FRZB: variants seen among roughly 807,000 people sequenced by gnomAD.
FRZB encodes the protein secreted frizzled-related protein 3.
A neutral mutation model predicts 32.5 loss-of-function variants in FRZB; 34 were observed. That is an observed-to-expected ratio of 1.05 (90% CI 0.80 to 1.39). The LOEUF is 1.39. FRZB is among the 40% of genes most tolerant of loss of function. The pLI, the probability that FRZB is intolerant of heterozygous loss-of-function variation, is 0.00. For synonymous variants in FRZB, 170 were observed against 159.2 expected, an observed-to-expected ratio of 1.07 and a Z score of -0.51; for missense variants, 423 against 424.8, an observed-to-expected ratio of 1.00 and a Z score of 0.04.
rs745749576 is a variant in FRZB, at chr2:182,842,541, G to A, written c.529C>T (p.Arg177Cys). ...NGNCRGASSE[R>C]CKCKPIRATQ... ...GCTCTAATAGGCTTACATTTACAGC[G>A]TTCTGAAAAACACATTTTAGTTATA... Residue 177 changes from arginine (R) to cysteine (C), a missense_variant and splice_region_variant, in exon 3 of 6, where the codon CGC becomes TGC. Physicochemically the swap from Arg to Cys is radical, Grantham distance 180 (BLOSUM62 -3). Coordinates refer to ENST00000295113, the MANE Select transcript of FRZB (RefSeq NM_001463.4). The A allele has an allele frequency of 1.9e-5, 30 of 1,609,242 alleles. No individual in the cohort carries two copies. In the Middle Eastern group the frequency reaches 5.0e-4, roughly 27 times the overall value.
chr2:182,858,975 G>A, intron 1 of FRZB, 142 bp from the exon 2 acceptor site: 1 of 670,990 alleles, frequency 1.5e-6, no homozygotes. Flanking sequence ...ACGTCATGAG[G>A]TCGGCATTCT....
intron 3 of FRZB, among the ~76,000 whole-genome samples, chr2:182,840,165 G>A (rs1388752814): frequency 6.6e-6 from 1 of 152,052 alleles, no homozygotes; most frequent in Non-Finnish European, 1.5e-5. Flanking sequence ...GGCAAGTGGA[G>A]CCTCTTTCTA....
chr2:182,833,291 A>G lies in FRZB; in HGVS notation c.*1558T>C, dbSNP rs1047613260. The G allele has an allele frequency of 6.6e-6, 1 of 152,178 alleles. No homozygotes were observed. The highest frequency in any genetic ancestry group is 2.4e-5 in the African/African-American group (1 of 41,464). 9.4% of individuals were successfully genotyped at this position (152,178 alleles called of 1,614,324 possible). A position where few individuals can be genotyped will look rare whatever the true frequency, so the allele number is the denominator to read the frequency against. On this transcript the variant is annotated 3_prime_UTR_variant, in exon 6 of 6. Coordinates refer to ENST00000295113, the MANE Select transcript of FRZB (RefSeq NM_001463.4). Reference sequence around the variant, plus strand: ...ATAGCACGATTTTTGCTTCATAAGCATTTTATTTTCAGCACGCCACAGCTT... The same window carrying G: ...ATAGCACGATTTTTGCTTCATAAGCGTTTTATTTTCAGCACGCCACAGCTT...
chr2:182,839,414 A>G (rs1380187005), intron 3 of FRZB, among the ~76,000 whole-genome samples: 3 of 152,016 alleles, frequency 2.0e-5, no homozygotes, highest in Admixed American at 6.6e-5. Flanking sequence ...TCTGCTTTGA[A>G]GTCAGACACT....
At chr2:182,850,605 A>G (rs183048825) in intron 2 of FRZB, among the ~76,000 whole-genome samples, 4 of 152,248 alleles carry the variant, frequency 2.6e-5, no homozygotes, top group Admixed American at 2.6e-4. Context: ...TATATACTAC[A>G]TTCTCTTTAT....
At chr2:182,862,432 T>C (rs769347676) in intron 1 of FRZB, among the ~76,000 whole-genome samples, 23 of 152,240 alleles carry the variant, frequency 1.5e-4, no homozygotes, top group Non-Finnish European at 2.6e-4. Flanking sequence ...CTCATTCTTT[T>C]TTCTGTCGCT....
At chr2:182,850,251 T>C (rs1156773977) in intron 2 of FRZB, among the ~76,000 whole-genome samples, 2 of 152,214 alleles carry the variant, frequency 1.3e-5, no homozygotes, top group Non-Finnish European at 2.9e-5. Flanking sequence ...TTATTGTACA[T>C]ATTGAAATGT....
chr2:182,847,885 T>G (rs569096610), intron 2 of FRZB, among the ~76,000 whole-genome samples: 2 of 152,232 alleles, frequency 1.3e-5, no homozygotes, highest in East Asian at 3.9e-4. Flanking sequence ...AGTTGAGTAA[T>G]TTTCTCAAAT....
intron 5 of FRZB, among the ~76,000 whole-genome samples, chr2:182,835,760 A>G (rs1695518124): frequency 6.6e-6 from 1 of 152,098 alleles, no homozygotes; most frequent in Non-Finnish European, 1.5e-5. Context: ...GGTCTGAGAC[A>G]GGGCCGAAGA....
intron 2 of FRZB, among the ~76,000 whole-genome samples, chr2:182,844,269 T>C (rs1171693659): frequency 1.3e-5 from 2 of 152,204 alleles, no homozygotes; most frequent in African/African-American, 2.4e-5. Flanking sequence ...GTAACATTAG[T>C]GCTTGTTGCT....
chr2:182,865,992 TAG>T (rs2105766770), intron 1 of FRZB, 81 bp downstream of exon 1: 5 of 1,064,986 alleles, frequency 4.7e-6, no homozygotes, highest in East Asian at 2.4e-5. Context: ...AGAAAAAAAT[TAG>T]AGAGTAAAGG....
At chr2:182,844,052 C>A (rs905610371) in intron 2 of FRZB, among the ~76,000 whole-genome samples, 2 of 152,082 alleles carry the variant, frequency 1.3e-5, no homozygotes, top group Non-Finnish European at 2.9e-5. Flanking sequence ...GTCAATAATA[C>A]ACTTTAACAT....
intron 2 of FRZB, among the ~76,000 whole-genome samples, chr2:182,855,866 A>G (rs769975403): frequency 1.3e-5 from 2 of 152,126 alleles, no homozygotes; most frequent in Non-Finnish European, 2.9e-5. Context: ...TAAAAACTAA[A>G]GACACAGGAA....
At chr2:182,848,441 G>A (rs565107291) in intron 2 of FRZB, among the ~76,000 whole-genome samples, 1 of 152,266 alleles carries the variant, frequency 6.6e-6, no homozygotes, top group African/African-American at 2.4e-5. Flanking sequence ...CAAGGCGATA[G>A]TAAAACATCC....
At position 182,861,008 on chromosome 2, in the gene FRZB, C is replaced by T. The variant is rs1211119432; in HGVS notation, c.479-2175G>A. On this transcript the variant is annotated intron_variant, in intron 1 of 5. Coordinates refer to ENST00000295113, the MANE Select transcript of FRZB (RefSeq NM_001463.4). ...AGTTCACGCTGGGGCATGCTGAGAC[C>T]GAGAGACTAGGGACATGAGAATCTG... 6.6e-5 allele frequency among the ~76,000 whole-genome samples: 10 copies of T among 152,086 alleles called. 1 individual carries two copies. Among genetic ancestry groups the T allele is most frequent in the Admixed American group, 5.2e-4 (8 of 15,282 alleles).
chr2:182,862,789 AAC>A (rs1397548174), intron 1 of FRZB, among the ~76,000 whole-genome samples: 2 of 150,146 alleles, frequency 1.3e-5, no homozygotes, highest in East Asian at 3.9e-4. Context: ...TTTTTTTTGA[AAC>A]ACAGTCTGGC....
chr2:182,860,493 A>G (rs10931046), intron 1 of FRZB, among the ~76,000 whole-genome samples: 76,333 of 151,818 alleles, frequency 0.5, 19,692 homozygotes, highest in Non-Finnish European at 0.56. Flanking sequence ...AGAGAGGGAG[A>G]GAAGGGAATT....
chr2:182,845,908 G>A (rs367602838), intron 2 of FRZB, among the ~76,000 whole-genome samples: 2 of 152,156 alleles, frequency 1.3e-5, no homozygotes, highest in African/African-American at 4.8e-5. Context: ...CACCCTAGTA[G>A]AAAGAAATCT....
In FRZB at chr2:182,834,854, T is replaced by TG. The variant is rs1559045287; in HGVS notation, c.972dup (p.Asn325GlnfsTer16). ...TACTTTTTGTATTTCGGGATTTAGTTGCGTGCTTGCCGGGGGTTCGAGTTC... is the reference window on the plus strand; with the variant it reads ...TACTTTTTGTATTTCGGGATTTAGTTGGCGTGCTTGCCGGGGGTTCGAGTTC... On this transcript the variant is annotated frameshift_variant, in exon 6 of 6. Transcript: ENST00000295113. LOFTEE classifies it high-confidence loss of function. 1 of 1,611,182 alleles carries TG rather than the reference T, an allele frequency of 6.2e-7. No individual in the cohort carries two copies. Among genetic ancestry groups the TG allele is most frequent in the Non-Finnish European group, 8.5e-7 (1 of 1,177,512 alleles).
Sources: allele counts gnomAD v4.1 joint callset (sites outside exome capture counted in the v4.1 genomes callset), GRCh38; gene constraint gnomAD v4.1.1; transcripts MANE v1.5; gene names NCBI Gene and HGNC (gene_info 2026-07-23, HGNC 2026-07-21).